The following BCL2L14 variants were observed in gnomAD, a reference collection of about 807,000 sequenced individuals.
BCL2L14 encodes the protein BCL2 like 14, also known as apoptosis facilitator Bcl-2-like protein 14.
A neutral mutation model predicts 35.3 loss-of-function variants in BCL2L14; 27 were observed. That is an observed-to-expected ratio of 0.76 (90% CI 0.56 to 1.05). The LOEUF (loss-of-function observed/expected upper bound fraction) is 1.05, where lower values mean the gene tolerates loss of function less well. Ranked by LOEUF, BCL2L14 falls within the 50% of genes least tolerant of loss-of-function variation. The pLI, the probability that BCL2L14 is intolerant of heterozygous loss-of-function variation, is 0.00. For missense variants in BCL2L14, 377 were observed against 382.6 expected, an observed-to-expected ratio of 0.99 and a Z score of 0.12; for synonymous variants, 139 against 145.9, an observed-to-expected ratio of 0.95 and a Z score of 0.34.
chr12:12,094,651 C>G lies in BCL2L14; in HGVS notation c.679-13C>G. 6.2e-7 allele frequency: 1 copy of G among 1,614,124 alleles called. No homozygotes were observed. Among genetic ancestry groups the G allele is most frequent in the Non-Finnish European group, 8.5e-7 (1 of 1,180,004 alleles). ...CAAGCTACTGTACTGAGTGCTTATT[C>G]TTTTGTACACAGCTGAAGAAAGATA... On this transcript the variant is annotated splice_polypyrimidine_tract_variant and intron_variant, in intron 4 of 5. Coordinates refer to ENST00000308721, the MANE Select transcript of BCL2L14 (RefSeq NM_138723.2).
chr12:12,075,070 T>C (rs939546391), intron 1 of BCL2L14, among the ~76,000 whole-genome samples: 3 of 152,214 alleles, frequency 2.0e-5, no homozygotes, highest in Non-Finnish European at 2.9e-5. Flanking sequence ...GATCCACTCA[T>C]GACATCTAAT....
At chr12:12,086,353 T>C (rs1949042778) in intron 2 of BCL2L14, among the ~76,000 whole-genome samples, 1 of 152,026 alleles carries the variant, frequency 6.6e-6, no homozygotes, top group South Asian at 2.1e-4. Flanking sequence ...GGTTAGAACT[T>C]AGTGACAAAT....
At chr12:12,081,218 G>A (rs191832399) in intron 2 of BCL2L14, among the ~76,000 whole-genome samples, 31 of 152,074 alleles carry the variant, frequency 2.0e-4, no homozygotes, top group African/African-American at 7.0e-4. Context: ...GGAAACCAAG[G>A]CAGGAGGATC....
At chr12:12,085,484 G>A (rs989273172) in intron 2 of BCL2L14, among the ~76,000 whole-genome samples, 21 of 152,196 alleles carry the variant, frequency 1.4e-4, no homozygotes, top group African/African-American at 4.8e-4. Context: ...TGGAAAGTCT[G>A]TTTCGCTTGG....
intron 4 of BCL2L14, among the ~76,000 whole-genome samples, chr12:12,091,816 G>A (rs1949195675): frequency 6.6e-6 from 1 of 152,190 alleles, no homozygotes. Flanking sequence ...GGAAGCAAGA[G>A]ATGGAACAGG....
intron 2 of BCL2L14, among the ~76,000 whole-genome samples, chr12:12,057,455 C>G (rs11054644): frequency 0.62 from 94,280 of 152,004 alleles, 30,065 homozygotes; most frequent in East Asian, 0.78. Context: ...GTAATAGCAA[C>G]TCCAGAAAAG....
At chr12:12,074,142 T>C (rs1283722103) in intron 1 of BCL2L14, among the ~76,000 whole-genome samples, 1 of 152,214 alleles carries the variant, frequency 6.6e-6, no homozygotes, top group African/African-American at 2.4e-5. Flanking sequence ...TTGGGACATA[T>C]ACTAAAAAAT....
At chr12:12,095,167 G>A (rs1234297369) in intron 5 of BCL2L14, 1 of 985,188 alleles carries the variant, frequency 1.0e-6, no homozygotes, top group Non-Finnish European at 1.2e-6. Context: ...TGGATGGAAA[G>A]GGACTGGTCA....
chr12:12,081,456 CAAA>C (rs531114346), intron 2 of BCL2L14, among the ~76,000 whole-genome samples: 5 of 93,664 alleles, frequency 5.3e-5, no homozygotes, highest in Admixed American at 1.2e-4. Flanking sequence ...ACTCTGTCTC[CAAA>C]AAAAAAAAAA....
At chr12:12,059,143 A>C (rs1032978078) in intron 2 of BCL2L14, among the ~76,000 whole-genome samples, 3 of 152,124 alleles carry the variant, frequency 2.0e-5, no homozygotes, top group South Asian at 2.1e-4. Context: ...GTGTTTAATC[A>C]TTGCAAGGAC....
In BCL2L14 at chr12:12,090,709, T is replaced by C. The variant is rs562905771; in HGVS notation, c.608-70T>C. ...GCCCTTACCAAGCCACAAGCATTCA[T>C]TGTCCCTGGAAAAATGTAAGATTAT... On this transcript the variant is annotated intron_variant, in intron 3 of 5. Coordinates refer to ENST00000308721, the MANE Select transcript of BCL2L14 (RefSeq NM_138723.2). 60 of 1,268,764 alleles carry C rather than the reference T, an allele frequency of 4.7e-5. 1 individual carries two copies. In the African/African-American group the frequency reaches 5.7e-4, roughly 12 times the overall value. 78.6% of individuals were successfully genotyped at this position (1,268,764 alleles called of 1,614,324 possible).
rs575928637 is a variant in BCL2L14, at chr12:12,083,494, T to C, written c.434-3719T>C. Among the ~76,000 whole-genome samples the C allele has an allele frequency of 8.5e-5, 13 of 152,298 alleles. No homozygotes were observed. The East Asian group carries it at 2.3e-3, about 27-fold the overall frequency. ...TCTCCATAGCTACGATTTGCTCACG[T>C]GGAATGTTATAGTTAAGGTGAGGTT... On this transcript the variant is annotated intron_variant, in intron 2 of 5. Transcript: ENST00000308721.
intron 1 of BCL2L14, among the ~76,000 whole-genome samples, chr12:12,072,072 C>A (rs533167525): frequency 6.6e-6 from 1 of 152,288 alleles, no homozygotes; most frequent in East Asian, 1.9e-4. Flanking sequence ...CTGGGACAGC[C>A]ACCAAGGGAT....
At chr12:12,056,626 G>C (rs1948436609) in intron 2 of BCL2L14, among the ~76,000 whole-genome samples, 1 of 152,214 alleles carries the variant, frequency 6.6e-6, no homozygotes, top group African/African-American at 2.4e-5. Flanking sequence ...CTGAGGTCAG[G>C]AGTTCGAGAC....
intron 2 of BCL2L14, among the ~76,000 whole-genome samples, chr12:12,064,068 G>T (rs779928841): frequency 1.5e-4 from 23 of 152,246 alleles, no homozygotes; most frequent in Admixed American, 2.6e-4. Context: ...ACATGGACAT[G>T]CATGAAACTG....
intron 1 of BCL2L14, among the ~76,000 whole-genome samples, chr12:12,073,599 C>CGT (rs535455017): frequency 0.021 from 3,176 of 151,046 alleles, 51 homozygotes; most frequent in African/African-American, 0.038. Flanking sequence ...CATGCATGCA[C>CGT]GCGCACACAC....
At chr12:12,073,493 G>T (rs1393734239) in intron 1 of BCL2L14, among the ~76,000 whole-genome samples, 1 of 152,124 alleles carries the variant, frequency 6.6e-6, no homozygotes, top group Non-Finnish European at 1.5e-5. Context: ...TGTTGCTGCT[G>T]AAATAGCATT....
intron 4 of BCL2L14, chr12:12,094,428 G>T: frequency 8.1e-7 from 1 of 1,233,056 alleles, no homozygotes; most frequent in South Asian, 1.2e-5. Context: ...AATGTCAAAT[G>T]AACTGACTGT....
At chr12:12,077,919 C>T (rs1444390972) in intron 1 of BCL2L14, 4 of 409,706 alleles carry the variant, frequency 9.8e-6, no homozygotes, top group Non-Finnish European at 2.0e-5. Flanking sequence ...CAGAAGGAAA[C>T]AGATTATTAG....
Sources: gnomAD v4.1 joint callset for allele counts (sites outside exome capture counted in the v4.1 genomes callset) on GRCh38, gnomAD v4.1.1 for gene constraint, MANE v1.5 for transcripts, NCBI Gene and HGNC (gene_info 2026-07-23, HGNC 2026-07-21) for gene names.